Variants in ATPSCKMT observed in about 807,000 individuals in gnomAD.
ATPSCKMT encodes the protein ATP synthase c subunit lysine N-methyltransferase, also known as ATP synthase subunit C lysine N-methyltransferase.
Under a neutral mutation model 24.3 loss-of-function variants are expected in ATPSCKMT, and 24 were observed. The observed-to-expected ratio is 0.99, with a 90% CI of 0.71 to 1.39. The LOEUF is 1.39. Ranked by LOEUF, ATPSCKMT falls within the 40% of genes most tolerant of loss-of-function variation. The pLI is 0.00. For missense variants in ATPSCKMT, 311 were observed against 298.4 expected (o/e 1.04, Z -0.31); for synonymous variants, 95 against 110.5 (o/e 0.86, Z 0.88).
At chr5:10,241,233 G>C (rs1377809563) in intron 1 of ATPSCKMT, among the ~76,000 whole-genome samples, 2 of 152,028 alleles carry the variant, frequency 1.3e-5, no homozygotes, top group East Asian at 3.9e-4. Flanking sequence ...TTAATTTATA[G>C]GAACCCTCAT....
At chr5:10,240,851 C>T (rs1042389731) in intron 1 of ATPSCKMT, among the ~76,000 whole-genome samples, 24 of 151,830 alleles carry the variant, frequency 1.6e-4, no homozygotes, top group African/African-American at 5.6e-4. Flanking sequence ...CAAAATTAGC[C>T]GGGCGTGGTG....
rs1285504365 is a variant in ATPSCKMT, at chr5:10,236,460, A to T, written c.444+18T>A. ...TTTTCCCTTGGATTTCTCTAGGGCC[A>T]TTCTCTGCCTTACATACCTTCCACA... On this transcript the variant is annotated intron_variant, in intron 3 of 4. Transcript: ENST00000511437. The T allele has an allele frequency of 6.2e-7, 1 of 1,611,594 alleles. No individual in the cohort carries two copies. The highest frequency in any genetic ancestry group is 1.3e-5 in the African/African-American group (1 of 74,886).
At chr5:10,249,635 A>T in intron 1 of ATPSCKMT, 2 of 642,974 alleles carry the variant, frequency 3.1e-6, no homozygotes, top group Non-Finnish European at 5.0e-6. Context: ...AGCCTAGAAC[A>T]GTCTCTGGGG....
In ATPSCKMT at chr5:10,227,491, C is replaced by T. The variant is rs1743933404; in HGVS notation, c.652G>A (p.Glu218Lys). 6.2e-7 allele frequency: 1 copy of T among 1,614,188 alleles called. No homozygotes were observed. The highest frequency in any genetic ancestry group is 1.1e-5 in the South Asian group (1 of 91,084). ...TGCATCGATGTACAGGGCCTCTTTT[C>T]ACGGCCTCTAAAAGTGCTTGCATCA... Reference protein sequence around the residue: ...AYDASTFRGREKRPCTSMHFQ... With the variant: ...AYDASTFRGRKKRPCTSMHFQ... Residue 218 changes from glutamate (E) to lysine (K), a missense_variant, in exon 5 of 5, where the codon GAA (glutamate) becomes AAA (lysine). By Grantham distance (56) the Glu-to-Lys change is moderately conservative. Transcript: ENST00000511437.
chr5:10,245,789 G>T (rs1744891980), intron 1 of ATPSCKMT, among the ~76,000 whole-genome samples: 1 of 151,810 alleles, frequency 6.6e-6, no homozygotes, highest in African/African-American at 2.4e-5. Flanking sequence ...ATCCTCATAG[G>T]ATTCTTGGAA....
intron 2 of ATPSCKMT, 95 bp from the exon 3 acceptor site, chr5:10,236,710 C>A (rs1744391438): frequency 5.2e-6 from 8 of 1,530,120 alleles, no homozygotes; most frequent in African/African-American, 1.4e-5. Flanking sequence ...GTTTAAACAT[C>A]CAATCAAAAA....
chr5:10,239,800 A>G (rs1744541249), intron 1 of ATPSCKMT, among the ~76,000 whole-genome samples: 2 of 152,254 alleles, frequency 1.3e-5, no homozygotes, highest in African/African-American at 2.4e-5. Flanking sequence ...ATTCCACATC[A>G]AATCTGGTCT....
At chr5:10,246,899 G>A (rs535646424) in intron 1 of ATPSCKMT, among the ~76,000 whole-genome samples, 17 of 152,296 alleles carry the variant, frequency 1.1e-4, no homozygotes, top group African/African-American at 3.8e-4. Context: ...AGGAAAGACT[G>A]ATTCCAACAA....
At chr5:10,246,544 T>C (rs571526938) in intron 1 of ATPSCKMT, among the ~76,000 whole-genome samples, 1 of 152,256 alleles carries the variant, frequency 6.6e-6, no homozygotes, top group Non-Finnish European at 1.5e-5. Flanking sequence ...CATTTTTTAC[T>C]TAGCATGTCT....
chr5:10,249,604 G>A lies in ATPSCKMT; in HGVS notation c.16+254C>T, dbSNP rs554238995. 121 of 485,200 alleles carry A rather than the reference G, an allele frequency of 2.5e-4. 2 individuals carry two copies. In the South Asian group the frequency reaches 5.3e-3, roughly 21 times the overall value. The allele number at this position is 485,200 out of a possible 1,614,324, so 30.1% of individuals were successfully genotyped here. A position where few individuals can be genotyped will look rare whatever the true frequency, so the allele number is the denominator to read the frequency against. ...CCTATTCCTTAAGATCGTGCCAAAG[G>A]CTGAGTCACTTGCACTAAGTAGCCT... On this transcript the variant is annotated intron_variant, in intron 1 of 4. Coordinates refer to ENST00000511437, the MANE Select transcript of ATPSCKMT (RefSeq NM_199133.4).
intron 1 of ATPSCKMT, among the ~76,000 whole-genome samples, chr5:10,247,083 T>C (rs1025365537): frequency 6.6e-6 from 1 of 152,230 alleles, no homozygotes; most frequent in African/African-American, 2.4e-5. Flanking sequence ...CTATGTGCAC[T>C]GTGATGAAAC....
Position 10,227,393 on chromosome 5 carries a change from A to G in ATPSCKMT, c.*48T>C. On this transcript the variant is annotated 3_prime_UTR_variant, in exon 5 of 5. Transcript: ENST00000511437. ...TAAGGACACAGCTGTAAGTCTCTAC[A>G]AGATCAGGGAAGACTACAATATTTC... 1 of 1,589,868 alleles carries G rather than the reference A, an allele frequency of 6.3e-7. No individual in the cohort carries two copies. Among genetic ancestry groups the G allele is most frequent in the East Asian group, 2.2e-5 (1 of 44,812 alleles).
At chr5:10,238,122 C>T (rs180711551) in intron 2 of ATPSCKMT, among the ~76,000 whole-genome samples, 154 of 152,116 alleles carry the variant, frequency 1.0e-3, no homozygotes, top group Admixed American at 2.4e-3. Context: ...ATTATTTAAT[C>T]GGGGCAGAGT....
intron 1 of ATPSCKMT, 38 bp from the exon 2 acceptor site, chr5:10,239,394 C>CTTACT: frequency 6.5e-7 from 1 of 1,535,238 alleles, no homozygotes. Context: ...CATGTAGCAC[C>CTTACT]AAATCTGAAA....
chr5:10,238,570 C>T (rs1399382596), intron 2 of ATPSCKMT, among the ~76,000 whole-genome samples: 1 of 152,134 alleles, frequency 6.6e-6, no homozygotes, highest in African/African-American at 2.4e-5. Flanking sequence ...TTATAGGTGC[C>T]CAACTGCGGT....
At chr5:10,249,278 AAAAAG>A (rs1288475085) in intron 1 of ATPSCKMT, 1 of 151,976 alleles carries the variant, frequency 6.6e-6, no homozygotes, top group Non-Finnish European at 1.5e-5. Flanking sequence ...AAAAAAAAAA[AAAAAG>A]AGTGTGGGAC....
chr5:10,231,752 G>A (rs1225565005), intron 4 of ATPSCKMT, among the ~76,000 whole-genome samples: 1 of 152,114 alleles, frequency 6.6e-6, no homozygotes, highest in Non-Finnish European at 1.5e-5. Flanking sequence ...GGGCAGGTGT[G>A]TTTTCTCTTG....
rs534419479 is a variant in ATPSCKMT at position 10,242,938 on chromosome 5, A to G, written c.17-3582T>C. On this transcript the variant is annotated intron_variant, in intron 1 of 4. Transcript: ENST00000511437. ...AGTAGGTTTCAACAGTGGGCTTAAA[A>G]TATTCAAAAATCATGCTGTAAAGAA... 5.9e-5 allele frequency among the ~76,000 whole-genome samples: 9 copies of G among 152,344 alleles called. 1 individual carries two copies. In the South Asian group the frequency reaches 1.9e-3, roughly 32 times the overall value.
At chr5:10,236,940 C>T (rs1310124717) in intron 2 of ATPSCKMT, 21 of 1,339,884 alleles carry the variant, frequency 1.6e-5, no homozygotes, top group African/African-American at 2.9e-5. Context: ...TGCTGAAAAT[C>T]CACTGCATCT....
Sources: gnomAD v4.1 joint callset for allele counts (sites outside exome capture counted in the v4.1 genomes callset) on GRCh38, gnomAD v4.1.1 for gene constraint, MANE v1.5 for transcripts, NCBI Gene and HGNC (gene_info 2026-07-23, HGNC 2026-07-21) for gene names.